ABCC11: variants seen among roughly 807,000 people sequenced by gnomAD.
ABCC11 encodes the protein ATP-binding cassette sub-family C member 11.
Under a neutral mutation model 149.3 loss-of-function variants are expected in ABCC11, and 135 were observed. The ratio of observed to expected loss-of-function variants is 0.90; its 90% CI spans 0.79 to 1.04. The LOEUF is 1.04. ABCC11 is among the 50% of genes least tolerant of loss of function. ABCC11 has a pLI of 0.00. For missense variants in ABCC11, 1,680 were observed against 1,722.1 expected, an observed-to-expected ratio of 0.98 and a Z score of 0.43; for synonymous variants, 665 against 671.4, an observed-to-expected ratio of 0.99 and a Z score of 0.15.
At chr16:48,218,201 G>C (rs1004443099) in intron 6 of ABCC11, among the ~76,000 whole-genome samples, 1 of 152,160 alleles carries the variant, frequency 6.6e-6, no homozygotes, top group Admixed American at 6.5e-5. Context: ...GAGGCTGAGA[G>C]AGGATGATTG....
intron 18 of ABCC11, among the ~76,000 whole-genome samples, chr16:48,195,928 G>A (rs1406876998): frequency 6.6e-6 from 1 of 152,094 alleles, no homozygotes; most frequent in African/African-American, 2.4e-5. Flanking sequence ...GAGGCCAGGA[G>A]CTCAAGACCA....
intron 23 of ABCC11, among the ~76,000 whole-genome samples, chr16:48,181,211 C>T (rs932290355): frequency 6.6e-6 from 1 of 152,110 alleles, no homozygotes; most frequent in African/African-American, 2.4e-5. Context: ...GGTGCCTCTC[C>T]CTGAGAGTGC....
chr16:48,198,252 G>A lies in ABCC11; in HGVS notation c.2106C>T (p.Ile702=), dbSNP rs149439407. Residue 702 remains isoleucine, a synonymous_variant, in exon 16 of 30, where the codon ATC becomes ATT. Coordinates refer to ENST00000356608, the MANE Select transcript of ABCC11 (RefSeq NM_001370497.1). ...QLQYLEFCGQ[I]ILLENGKICE... Reference sequence around the variant, plus strand: ...AGATTTTCCCATTTTCCAACAAAATGATCTGGCCACAAAATTCTAAGTACT... The same window carrying A: ...AGATTTTCCCATTTTCCAACAAAATAATCTGGCCACAAAATTCTAAGTACT... 6.2e-6 allele frequency: 10 copies of A among 1,614,158 alleles called. No homozygotes were observed. The African/African-American group carries it at 1.3e-4, about 22-fold the overall frequency.
intron 6 of ABCC11, among the ~76,000 whole-genome samples, chr16:48,222,023 TC>T (rs983655474): frequency 1.3e-5 from 2 of 150,992 alleles, no homozygotes; most frequent in Non-Finnish European, 2.9e-5. Context: ...CAGATGATCC[TC>T]CCACCTCAGC....
chr16:48,231,026 T>C (rs1970386164), intron 2 of ABCC11, among the ~76,000 whole-genome samples: 1 of 152,088 alleles, frequency 6.6e-6, no homozygotes, highest in Non-Finnish European at 1.5e-5. Context: ...ATATATTCTA[T>C]ATAAAATAAT....
intron 8 of ABCC11, 38 bp from the exon 9 acceptor site, chr16:48,215,067 A>C: frequency 6.2e-7 from 1 of 1,609,374 alleles, no homozygotes; most frequent in Non-Finnish European, 8.5e-7. Context: ...AGATAACCAC[A>C]AGAACATTCT....
chr16:48,172,341 A>G (rs1159388226), intron 26 of ABCC11, among the ~76,000 whole-genome samples: 2 of 152,086 alleles, frequency 1.3e-5, no homozygotes, highest in African/African-American at 4.8e-5. Context: ...TAGTGTACAC[A>G]TATGGGTTGA....
intron 14 of ABCC11, among the ~76,000 whole-genome samples, chr16:48,201,918 A>G (rs1596749548): frequency 6.6e-6 from 1 of 152,288 alleles, no homozygotes; most frequent in East Asian, 1.9e-4. Context: ...TTCCTGTTCT[A>G]TCCTGACTGC....
At chr16:48,187,458 G>T in intron 20 of ABCC11, 31 bp from the exon 21 acceptor site, 1 of 1,556,990 alleles carries the variant, frequency 6.4e-7, no homozygotes, top group South Asian at 1.2e-5. Context: ...CAGACCATGA[G>T]AGAAGCTGCA....
intron 13 of ABCC11, among the ~76,000 whole-genome samples, chr16:48,204,932 C>T (rs925991059): frequency 6.6e-6 from 1 of 152,178 alleles, no homozygotes; most frequent in African/African-American, 2.4e-5. Context: ...TCCACGGGGC[C>T]ATAGATTCAA....
chr16:48,224,499 A>G, intron 4 of ABCC11, 70 bp from the exon 5 acceptor site: 1 of 1,548,058 alleles, frequency 6.5e-7, no homozygotes, highest in Non-Finnish European at 8.8e-7. Flanking sequence ...AGTTCTTGCT[A>G]GCCAGGAGCT....
intron 20 of ABCC11, among the ~76,000 whole-genome samples, chr16:48,188,881 T>A (rs75882145): frequency 0.082 from 12,434 of 152,264 alleles, 552 homozygotes; most frequent in African/African-American, 0.11. Flanking sequence ...ATGGCATTTA[T>A]TAAAGCCAAA....
intron 3 of ABCC11, among the ~76,000 whole-genome samples, chr16:48,230,010 G>A (rs1003418882): frequency 1.3e-5 from 2 of 152,178 alleles, no homozygotes; most frequent in South Asian, 2.1e-4. Context: ...GTGTCACTCA[G>A]CTTAAGCCAC....
intron 6 of ABCC11, among the ~76,000 whole-genome samples, chr16:48,219,214 G>A (rs1488331094): frequency 6.8e-6 from 1 of 146,752 alleles, no homozygotes; most frequent in East Asian, 2.0e-4. Context: ...ATGTTGTCCA[G>A]GCTGGGGTTC....
At chr16:48,212,126 G>A (rs528748316) in intron 10 of ABCC11, among the ~76,000 whole-genome samples, 1 of 152,342 alleles carries the variant, frequency 6.6e-6, no homozygotes, top group South Asian at 2.1e-4. Flanking sequence ...CTGCTGAGAA[G>A]TCAGGGAAGC....
intron 26 of ABCC11, 66 bp downstream of exon 26, chr16:48,175,192 G>C: frequency 1.3e-6 from 2 of 1,557,088 alleles, no homozygotes; most frequent in Admixed American, 1.7e-5. Flanking sequence ...ACTATAGGCA[G>C]CCCGGTGCTG....
chr16:48,194,285 T>C (rs1967190552), intron 18 of ABCC11, among the ~76,000 whole-genome samples: 1 of 152,198 alleles, frequency 6.6e-6, no homozygotes. Context: ...CTGAAGATGA[T>C]ATGATATAAT....
chr16:48,213,530 G>A lies in ABCC11; in HGVS notation c.1269C>T (p.Ser423=), dbSNP rs371730454. The change falls in exon 10 of 30, where the codon TCC becomes TCT. Residue 423 remains serine, a synonymous_variant. Coordinates refer to ENST00000356608, the MANE Select transcript of ABCC11 (RefSeq NM_001370497.1). ...ACACTGACAGCCGAAGGAGATTCAAGGAGGCCAGCATGCTGAAGGCCTGGA... is the reference window on the plus strand; with the variant it reads ...ACACTGACAGCCGAAGGAGATTCAAAGAGGCCAGCATGCTGAAGGCCTGGA... The part of the protein sequence containing the change: ...TASMAFSMLA[S]LNLLRLSVFF... The A allele has an allele frequency of 1.6e-5, 26 of 1,610,602 alleles. No individual in the cohort carries two copies. Among genetic ancestry groups the A allele is most frequent in the Non-Finnish European group, 2.2e-5 (26 of 1,178,552 alleles).
At chr16:48,241,247 T>C (rs1049971613) in intron 1 of ABCC11, among the ~76,000 whole-genome samples, 1 of 152,164 alleles carries the variant, frequency 6.6e-6, no homozygotes, top group African/African-American at 2.4e-5. Context: ...ACAACATCTC[T>C]TTCATGGTAT....
Sources: allele counts gnomAD v4.1 joint callset (sites outside exome capture counted in the v4.1 genomes callset), GRCh38; gene constraint gnomAD v4.1.1; transcripts MANE v1.5; gene names NCBI Gene and HGNC (gene_info 2026-07-23, HGNC 2026-07-21).